The following RAB3C variants were observed in gnomAD, a reference collection of about 807,000 sequenced individuals.
RAB3C encodes the protein ras-related protein Rab-3C.
In RAB3C, 17 loss-of-function variants were observed where a neutral mutation model predicts 26.4. That is an observed-to-expected ratio of 0.64 (90% CI 0.44 to 0.97). The LOEUF (loss-of-function observed/expected upper bound fraction) is 0.97. Among genes scored for constraint, RAB3C ranks in the 50% least tolerant of loss-of-function variants. The pLI, the probability that RAB3C is intolerant of heterozygous loss-of-function variation, is 0.00. For synonymous variants in RAB3C, 91 were observed against 95.9 expected (o/e 0.95, Z 0.30); for missense variants, 242 against 281.9 (o/e 0.86, Z 1.01).
intron 3 of RAB3C, among the ~76,000 whole-genome samples, chr5:58,764,972 T>C (rs1326450517): frequency 6.6e-6 from 1 of 152,196 alleles, no homozygotes; most frequent in African/African-American, 2.4e-5. Flanking sequence ...ATGATAGTTA[T>C]TATTTTCAGG....
chr5:58,745,266 C>T (rs1461599591), intron 3 of RAB3C, among the ~76,000 whole-genome samples: 9 of 151,206 alleles, frequency 6.0e-5, no homozygotes, highest in Non-Finnish European at 1.2e-4. Context: ...GGCATAGTGG[C>T]GGGTGCCTGT....
intron 4 of RAB3C, among the ~76,000 whole-genome samples, chr5:58,828,901 C>CTTTTTTTTTTTTTT (rs762653092): frequency 8.2e-6 from 1 of 122,446 alleles, no homozygotes. Flanking sequence ...TTTTACCATG[C>CTTTTTTTTTTTTTT]TTTTTTTTTT....
At chr5:58,603,997 G>C (rs1269047764) in intron 1 of RAB3C, among the ~76,000 whole-genome samples, 2 of 150,924 alleles carry the variant, frequency 1.3e-5, no homozygotes, top group Non-Finnish European at 3.0e-5. Context: ...GTCCCACAAG[G>C]TATTCTCTTC....
rs1744224260 is a variant in RAB3C, at chr5:58,854,835, T to C, written c.*3484T>C. On this transcript the variant is annotated 3_prime_UTR_variant, in exon 5 of 5. Transcript: ENST00000282878. ...CAAATTATACAAGACATCAAAACACTCAGTAAACAAATATATATATTTCAC... is the reference window on the plus strand; with the variant it reads ...CAAATTATACAAGACATCAAAACACCCAGTAAACAAATATATATATTTCAC... 1 of 82,490 alleles carries C rather than the reference T, an allele frequency of 1.2e-5. No homozygotes were observed. Among genetic ancestry groups the C allele is most frequent in the Non-Finnish European group, 2.9e-5 (1 of 34,486 alleles). 5.1% of individuals were successfully genotyped at this position (82,490 alleles called of 1,614,324 possible).
chr5:58,683,241 A>G (rs1026604790), intron 2 of RAB3C, among the ~76,000 whole-genome samples: 1 of 152,238 alleles, frequency 6.6e-6, no homozygotes, highest in Non-Finnish European at 1.5e-5. Context: ...GCCCACTTTT[A>G]TAAGTTTTAA....
At chr5:58,607,678 C>T (rs998517238) in intron 1 of RAB3C, among the ~76,000 whole-genome samples, 1 of 152,088 alleles carries the variant, frequency 6.6e-6, no homozygotes, top group Non-Finnish European at 1.5e-5. Flanking sequence ...GTCGGGTTAC[C>T]CACAAAGGGA....
intron 1 of RAB3C, among the ~76,000 whole-genome samples, chr5:58,612,530 A>ATATATATATATATGTG (rs1746732665): frequency 2.9e-5 from 2 of 69,330 alleles, no homozygotes; most frequent in African/African-American, 8.7e-5. Flanking sequence ...GTATATATAT[A>ATATATATATATATGTG]TATATATATA....
chr5:58,845,634 A>G (rs200778072), intron 4 of RAB3C, among the ~76,000 whole-genome samples: 37,170 of 101,836 alleles, frequency 0.36, 7,942 homozygotes, highest in Middle Eastern at 0.54. Flanking sequence ...GTGTGTGTAT[A>G]TGTATATATA....
intron 3 of RAB3C, among the ~76,000 whole-genome samples, chr5:58,729,723 CA>C (rs1196812565): frequency 1.4e-5 from 2 of 146,056 alleles, no homozygotes; most frequent in Non-Finnish European, 3.0e-5. Context: ...TATATAAACA[CA>C]AAAAATATTG....
At chr5:58,704,783 T>C (rs1748912082) in intron 2 of RAB3C, among the ~76,000 whole-genome samples, 1 of 152,162 alleles carries the variant, frequency 6.6e-6, no homozygotes, top group African/African-American at 2.4e-5. Context: ...TCTGTATCTT[T>C]TATTCATTCT....
At chr5:58,716,129 A>G (rs1489714257) in intron 2 of RAB3C, among the ~76,000 whole-genome samples, 1 of 151,764 alleles carries the variant, frequency 6.6e-6, no homozygotes, top group East Asian at 1.9e-4. Context: ...CATCTATACC[A>G]TGTGTTTTAG....
At chr5:58,817,558 T>C (rs1370411106) in intron 3 of RAB3C, among the ~76,000 whole-genome samples, 3 of 152,172 alleles carry the variant, frequency 2.0e-5, no homozygotes, top group Non-Finnish European at 4.4e-5. Flanking sequence ...TATATGTCTT[T>C]GTAAATCACC....
intron 3 of RAB3C, among the ~76,000 whole-genome samples, chr5:58,753,359 GC>G: frequency 6.6e-6 from 1 of 152,106 alleles, no homozygotes; most frequent in Admixed American, 6.5e-5. Flanking sequence ...ATCTTAAGAA[GC>G]AGTTATTTCT....
At chr5:58,686,655 C>G (rs1403718926) in intron 2 of RAB3C, among the ~76,000 whole-genome samples, 1 of 151,336 alleles carries the variant, frequency 6.6e-6, no homozygotes, top group East Asian at 1.9e-4. Flanking sequence ...ATGTGTCTCT[C>G]TCTCACACAC....
chr5:58,778,809 G>A (rs1742206383), intron 3 of RAB3C, among the ~76,000 whole-genome samples: 1 of 152,034 alleles, frequency 6.6e-6, no homozygotes, highest in South Asian at 2.1e-4. Context: ...CATGTGCACT[G>A]TATCTGACTG....
chr5:58,722,968 G>A (rs1740809357), intron 2 of RAB3C, among the ~76,000 whole-genome samples: 1 of 151,716 alleles, frequency 6.6e-6, no homozygotes, highest in Non-Finnish European at 1.5e-5. Flanking sequence ...TTATGGCTGG[G>A]ATTCAACTCT....
rs1045061383 is a variant in RAB3C, at chr5:58,598,266, T to C, written c.24+15034T>C. Among the ~76,000 whole-genome samples the C allele has an allele frequency of 4.7e-5, 7 of 149,688 alleles. 1 individual carries two copies. In the East Asian group the frequency reaches 1.4e-3, roughly 29 times the overall value. ...TAATATGTAATACATTATATATATA[T>C]ATATAGCTGAAAGCCTTTTAATGAT... On this transcript the variant is annotated intron_variant, in intron 1 of 4. Transcript: ENST00000282878.
rs182929237 is a variant in RAB3C, at chr5:58,660,656, C to A, written c.252+42786C>A. ...AATTAATGCCAACAAGATAGACCAA[C>A]GCTGATTAGTGACTTAAAGGAATAT... On this transcript the variant is annotated intron_variant, in intron 2 of 4. Coordinates refer to ENST00000282878, the MANE Select transcript of RAB3C (RefSeq NM_138453.4). Among the ~76,000 whole-genome samples the A allele has an allele frequency of 2.7e-5, 4 of 150,446 alleles. 1 individual carries two copies. In the East Asian group the frequency reaches 7.7e-4, roughly 29 times the overall value.
chr5:58,626,481 G>A (rs1184621743), intron 2 of RAB3C, among the ~76,000 whole-genome samples: 2 of 152,050 alleles, frequency 1.3e-5, no homozygotes, highest in Non-Finnish European at 2.9e-5. Flanking sequence ...ATCCCCCTAA[G>A]ACAAAAATAT....
Sources: allele counts gnomAD v4.1 joint callset (sites outside exome capture counted in the v4.1 genomes callset), GRCh38; gene constraint gnomAD v4.1.1; transcripts MANE v1.5; gene names NCBI Gene and HGNC (gene_info 2026-07-23, HGNC 2026-07-21).